Variants in ADAMTS17 observed in about 807,000 individuals in gnomAD.
The protein encoded by ADAMTS17 is A disintegrin and metalloproteinase with thrombospondin motifs 17.
Under a neutral mutation model 141.5 loss-of-function variants are expected in ADAMTS17, and 113 were observed. The ratio of observed to expected loss-of-function variants is 0.80; its 90% CI spans 0.69 to 0.93. The LOEUF (loss-of-function observed/expected upper bound fraction) is 0.93. Ranked by LOEUF, ADAMTS17 falls within the 40% of genes least tolerant of loss-of-function variation. The pLI is 0.00. For missense variants in ADAMTS17, 1,659 were observed against 1,517.9 expected (o/e 1.09, Z -1.54); for synonymous variants, 768 against 630.6 (o/e 1.22, Z -3.27).
intron 3 of ADAMTS17, among the ~76,000 whole-genome samples, chr15:100,312,222 G>A (rs190790386): frequency 6.6e-6 from 1 of 152,342 alleles, no homozygotes; most frequent in African/African-American, 2.4e-5. Flanking sequence ...GGCTTTGATG[G>A]GTCTTTAGAT....
At chr15:100,181,969 C>T (rs1055793151) in intron 8 of ADAMTS17, among the ~76,000 whole-genome samples, 34 of 152,336 alleles carry the variant, frequency 2.2e-4, no homozygotes, top group Middle Eastern at 3.4e-3. Flanking sequence ...CCCACGAAGG[C>T]GAGGCCTGCC....
Position 100,109,097 on chromosome 15 carries a change from G to A in ADAMTS17, c.1908C>T (p.Tyr636=), listed in dbSNP as rs150757147. The A allele has an allele frequency of 1.9e-6, 3 of 1,613,244 alleles. No homozygotes were observed. Among genetic ancestry groups the A allele is most frequent in the African/African-American group, 2.7e-5 (2 of 74,916 alleles). The stretch of plus-strand genomic sequence containing the variant: ...GGGACTCCTTCCCGAGGGGCGAGCA[G>A]TAGAGTTCACATGGCTTATCTGAGG... ...VVVDDKPCEL[Y]CSPLGKESPL... is the part of the protein sequence containing the mutation. The change falls in exon 14 of 22, where the codon TAC becomes TAT. Residue 636 remains tyrosine, a synonymous_variant. Coordinates refer to ENST00000268070, the MANE Select transcript of ADAMTS17 (RefSeq NM_139057.4).
chr15:100,086,026 G>C (rs1483925667), intron 15 of ADAMTS17, among the ~76,000 whole-genome samples: 2 of 150,702 alleles, frequency 1.3e-5, no homozygotes. Flanking sequence ...TGGGCTAAAT[G>C]CTCCAATTAA....
chr15:100,298,122 C>T (rs2120030), intron 3 of ADAMTS17, among the ~76,000 whole-genome samples: 120,683 of 151,886 alleles, frequency 0.79, 48,904 homozygotes, highest in East Asian at 0.95. Flanking sequence ...GTTTGGCCCG[C>T]GAGGAAATGG....
At chr15:100,010,952 G>C (rs1484969840) in intron 18 of ADAMTS17, among the ~76,000 whole-genome samples, 1 of 152,024 alleles carries the variant, frequency 6.6e-6, no homozygotes, top group Admixed American at 6.5e-5. Flanking sequence ...AAGAGGAAAT[G>C]AAAATCTACA....
chr15:99,976,399 G>A (rs1201068614), intron 20 of ADAMTS17, 177 bp from the exon 21 acceptor site: 2 of 827,736 alleles, frequency 2.4e-6, no homozygotes. Flanking sequence ...CCTGAGTGGG[G>A]CCTACACGAG....
intron 14 of ADAMTS17, among the ~76,000 whole-genome samples, chr15:100,096,903 G>T (rs1351261064): frequency 6.6e-6 from 1 of 152,218 alleles, no homozygotes; most frequent in Non-Finnish European, 1.5e-5. Flanking sequence ...CAACTTGGCT[G>T]AAACAACCAG....
intron 18 of ADAMTS17, among the ~76,000 whole-genome samples, chr15:100,027,350 T>C (rs1456559795): frequency 3.3e-5 from 5 of 152,240 alleles, no homozygotes; most frequent in Admixed American, 3.3e-4. Flanking sequence ...TTATTTTTCA[T>C]TCCTGTATCT....
intron 18 of ADAMTS17, among the ~76,000 whole-genome samples, chr15:99,998,767 G>A (rs1441796735): frequency 1.3e-5 from 2 of 152,262 alleles, no homozygotes; most frequent in East Asian, 1.9e-4. Context: ...GCCCTTTTGC[G>A]AACACTAAGG....
intron 7 of ADAMTS17, among the ~76,000 whole-genome samples, chr15:100,226,805 G>C (rs1225398232): frequency 1.3e-5 from 2 of 152,170 alleles, no homozygotes; most frequent in Non-Finnish European, 2.9e-5. Context: ...AGAATTCATT[G>C]GTTGGTTTGA....
At chr15:100,224,615 T>C (rs977532165) in intron 7 of ADAMTS17, among the ~76,000 whole-genome samples, 2 of 152,218 alleles carry the variant, frequency 1.3e-5, no homozygotes, top group Non-Finnish European at 2.9e-5. Context: ...TCACCCCCAG[T>C]GCAAAGGCGA....
intron 12 of ADAMTS17, among the ~76,000 whole-genome samples, chr15:100,121,208 T>C (rs2037435281): frequency 1.3e-5 from 2 of 152,226 alleles, no homozygotes; most frequent in Admixed American, 1.3e-4. Flanking sequence ...CAGAGATATC[T>C]GTGGGACACC....
chr15:100,339,513 C>G (rs1567555988), intron 2 of ADAMTS17, among the ~76,000 whole-genome samples: 1 of 152,242 alleles, frequency 6.6e-6, no homozygotes, highest in East Asian at 1.9e-4. Flanking sequence ...GACCCGAGCC[C>G]TACAGTGATC....
intron 20 of ADAMTS17, 99 bp downstream of exon 20, chr15:99,992,949 C>CT (rs1319436135): frequency 6.6e-5 from 98 of 1,478,246 alleles, no homozygotes; most frequent in Non-Finnish European, 8.8e-5. Flanking sequence ...TACGCTGGGA[C>CT]TGCCGCGTAG....
At chr15:100,152,544 A>G (rs1015682338) in intron 10 of ADAMTS17, 68 bp downstream of exon 10, 3 of 1,601,986 alleles carry the variant, frequency 1.9e-6, no homozygotes, top group African/African-American at 2.7e-5. Context: ...CTCCAGCAGA[A>G]GCCAGACCTG....
intron 3 of ADAMTS17, among the ~76,000 whole-genome samples, chr15:100,321,451 T>C (rs1315028800): frequency 1.3e-5 from 2 of 152,236 alleles, no homozygotes; most frequent in Non-Finnish European, 2.9e-5. Flanking sequence ...ATCTTACTTT[T>C]AAGAAACATA....
intron 8 of ADAMTS17, among the ~76,000 whole-genome samples, chr15:100,158,853 G>A (rs2039559988): frequency 6.6e-6 from 1 of 152,110 alleles, no homozygotes; most frequent in Non-Finnish European, 1.5e-5. Flanking sequence ...CAAATGGCCA[G>A]CAGGCACGTG....
intron 18 of ADAMTS17, among the ~76,000 whole-genome samples, chr15:100,042,301 T>C (rs1231325671): frequency 6.6e-6 from 1 of 152,218 alleles, no homozygotes; most frequent in Non-Finnish European, 1.5e-5. Context: ...TCAAATTTTG[T>C]TGTCCAAATA....
intron 2 of ADAMTS17, among the ~76,000 whole-genome samples, chr15:100,332,049 G>C (rs186843458): frequency 6.6e-6 from 1 of 152,266 alleles, no homozygotes; most frequent in Admixed American, 6.5e-5. Context: ...CAACTAATAA[G>C]ATCGCCTACA....
Sources: allele counts gnomAD v4.1 joint callset (sites outside exome capture counted in the v4.1 genomes callset), GRCh38; gene constraint gnomAD v4.1.1; transcripts MANE v1.5; gene names NCBI Gene and HGNC (gene_info 2026-07-23, HGNC 2026-07-21).